The following ZNF334 variants were observed in gnomAD, a reference collection of about 807,000 sequenced individuals.
The protein encoded by ZNF334 is zinc finger protein 334.
Under a neutral mutation model 12.4 loss-of-function variants are expected in ZNF334, and 14 were observed. The ratio of observed to expected loss-of-function variants is 1.13; its 90% CI spans 0.74 to 1.76. ZNF334 has a LOEUF of 1.76. Among genes scored for constraint, ZNF334 ranks in the 40% most tolerant of loss-of-function variants. The pLI is 0.00. For missense variants in ZNF334, 797 were observed against 804.5 expected (o/e 0.99, Z 0.11); for synonymous variants, 273 against 269.6 (o/e 1.01, Z -0.12).
At chr20:46,507,724 T>C (rs894404229) in intron 2 of ZNF334, among the ~76,000 whole-genome samples, 1 of 152,248 alleles carries the variant, frequency 6.6e-6, no homozygotes, top group African/African-American at 2.4e-5. Context: ...TTTGATCTGC[T>C]ATACATCTTT....
chr20:46,512,397 T>G (rs112853447), intron 1 of ZNF334, 143 bp downstream of exon 1: 4 of 278,474 alleles, frequency 1.4e-5, no homozygotes, highest in African/African-American at 6.6e-5. Flanking sequence ...TTGAAAAAAA[T>G]TGAAAACGTC....
At chr20:46,507,785 C>A (rs1317081853) in intron 2 of ZNF334, among the ~76,000 whole-genome samples, 2 of 152,332 alleles carry the variant, frequency 1.3e-5, no homozygotes, top group East Asian at 3.9e-4. Flanking sequence ...CCGCTATCAC[C>A]ACTTAACTGT....
At chr20:46,464,739 G>A in the ZNF334 span, 57 of 487,252 alleles carry the variant, frequency 1.2e-4, no homozygotes, top group East Asian at 2.6e-3. Context: ...CTTGGTCACT[G>A]CAGAAAGGGG....
intron 2 of ZNF334, chr20:46,505,238 C>T (rs1210524300): frequency 2.6e-5 from 4 of 152,236 alleles, no homozygotes; most frequent in African/African-American, 9.7e-5. Context: ...TCGAGAACTA[C>T]AATCTCTCCA....
rs141033710 is a variant in ZNF334 at position 46,507,729 on chromosome 20, A to G, written c.22-2989T>C. Among the ~76,000 whole-genome samples the G allele has an allele frequency of 6.9e-3, 1,048 of 152,300 alleles. 14 individuals are homozygous for G. Among genetic ancestry groups the G allele is most frequent in the African/African-American group, 0.024 (988 of 41,564 alleles). On this transcript the variant is annotated intron_variant, in intron 2 of 4. Transcript: ENST00000692313. ...CTTTCTTTTCTTTGATCTGCTATACATCTTTCTACTGACAAATTTTATTAG... is the reference window on the plus strand; with the variant it reads ...CTTTCTTTTCTTTGATCTGCTATACGTCTTTCTACTGACAAATTTTATTAG...
At chr20:46,505,724 G>A (rs1370078794) in intron 2 of ZNF334, 2 of 153,752 alleles carry the variant, frequency 1.3e-5, no homozygotes, top group African/African-American at 2.4e-5. Context: ...CTGCTTTCAT[G>A]TCACAACAGC....
At chr20:46,470,030 T>C in the ZNF334 span, among the ~76,000 whole-genome samples, 1 of 152,192 alleles carries the variant, frequency 6.6e-6, no homozygotes, top group African/African-American at 2.4e-5. Flanking sequence ...ACTCAGGCTT[T>C]TGTATTTAAA....
the ZNF334 span, among the ~76,000 whole-genome samples, chr20:46,473,730 T>C: frequency 1.3e-5 from 2 of 152,204 alleles, no homozygotes; most frequent in Non-Finnish European, 2.9e-5. Context: ...TGCTCCCTCA[T>C]GGAGTGTACA....
At chr20:46,489,649 CAAAAAAA>C in the ZNF334 span, among the ~76,000 whole-genome samples, 1,049 of 90,758 alleles carry the variant, frequency 0.012, 3 homozygotes, top group Middle Eastern at 0.023. Flanking sequence ...CAGACTCTCT[CAAAAAAA>C]AAAAAAAAAA....
At chr20:46,509,594 C>T (rs1240759098) in intron 2 of ZNF334, 4 of 702,894 alleles carry the variant, frequency 5.7e-6, no homozygotes, top group Non-Finnish European at 1.0e-5. Context: ...ATGGGGAATT[C>T]ATCTGCCCAC....
chr20:46,493,827 G>A, the ZNF334 span, among the ~76,000 whole-genome samples: 1 of 152,126 alleles, frequency 6.6e-6, no homozygotes, highest in South Asian at 2.1e-4. Flanking sequence ...CTACTAGGGA[G>A]GCTGAGGCAT....
At chr20:46,475,781 C>T in the ZNF334 span, among the ~76,000 whole-genome samples, 93 of 152,302 alleles carry the variant, frequency 6.1e-4, 1 homozygote, top group Admixed American at 5.9e-3. Flanking sequence ...CCACTACATG[C>T]TGGCCAGGAT....
At chr20:46,463,942 C>T in the ZNF334 span, 3 of 555,266 alleles carry the variant, frequency 5.4e-6, no homozygotes, top group Admixed American at 4.0e-5. Context: ...GAACAAGTCC[C>T]ACTCATTTTC....
chr20:46,493,786 A>G, the ZNF334 span, among the ~76,000 whole-genome samples: 3 of 152,186 alleles, frequency 2.0e-5, no homozygotes, highest in Admixed American at 6.5e-5. Context: ...AAAAATTAGC[A>G]TGGTATGGTG....
chr20:46,464,735 C>A, the ZNF334 span: 2 of 482,340 alleles, frequency 4.1e-6, no homozygotes, highest in South Asian at 3.4e-5. Flanking sequence ...CTCCCTTGGT[C>A]ACTGCAGAAA....
In ZNF334 at chr20:46,512,143, G is replaced by A. The variant is rs1468646671; in HGVS notation, c.-38-3C>T. 2 of 1,612,266 alleles carry A rather than the reference G, an allele frequency of 1.2e-6. No homozygotes were observed. Among genetic ancestry groups the A allele is most frequent in the Non-Finnish European group, 1.7e-6 (2 of 1,178,764 alleles). On this transcript the variant is annotated splice_polypyrimidine_tract_variant and splice_region_variant and intron_variant, in intron 1 of 4. Transcript: ENST00000692313. ...GGCCAAGAGTGTTGAAAGCAGAGCT[G>A]GGTAAGGAAGAATGGCGAATGGAAT...
Position 46,504,607 on chromosome 20 carries a change from T to C in ZNF334, c.148+7A>G, listed in dbSNP as rs750976525. The C allele has an allele frequency of 1.8e-5, 28 of 1,590,616 alleles. No individual in the cohort carries two copies. The highest frequency in any genetic ancestry group is 2.2e-5 in the Non-Finnish European group (26 of 1,172,458). On this transcript the variant is annotated splice_region_variant and intron_variant, in intron 3 of 4. Coordinates refer to ENST00000692313, the MANE Select transcript of ZNF334 (RefSeq NM_001353824.2). ...TCTTGGGAGTTGTACAGGGAAATAG[T>C]CCTTACCCACAGAGACCAAGTTGCT... is the stretch of plus-strand genomic sequence containing the variant.
chr20:46,500,437 G>T lies in ZNF334; in HGVS notation c.*859C>A, dbSNP rs1256982899. 7 of 152,174 alleles carry T rather than the reference G, an allele frequency of 4.6e-5. No homozygotes were observed. The highest frequency in any genetic ancestry group is 3.3e-4 in the Admixed American group (5 of 15,276). 9.4% of individuals were successfully genotyped at this position (152,174 alleles called of 1,614,324 possible). On this transcript the variant is annotated 3_prime_UTR_variant, in exon 5 of 5. Coordinates refer to ENST00000692313, the MANE Select transcript of ZNF334 (RefSeq NM_001353824.2). ...ATACCTCTAATGAACATGTTGATTA[G>T]GAAATCCAAGAGATTTTTGAAAACA...
At chr20:46,472,914 G>A in the ZNF334 span, among the ~76,000 whole-genome samples, 1 of 152,134 alleles carries the variant, frequency 6.6e-6, no homozygotes, top group Non-Finnish European at 1.5e-5. Flanking sequence ...TATTTGGCAG[G>A]TAATCTGACA....
Sources: gnomAD v4.1 joint callset for allele counts (sites outside exome capture counted in the v4.1 genomes callset) on GRCh38, gnomAD v4.1.1 for gene constraint, MANE v1.5 for transcripts, NCBI Gene and HGNC (gene_info 2026-07-23, HGNC 2026-07-21) for gene names.